The following TMPRSS6 variants were observed in gnomAD, a reference collection of about 807,000 sequenced individuals.
TMPRSS6 encodes transmembrane serine protease 6, also known as transmembrane protease serine 6.
TMPRSS6 carries 67 observed loss-of-function variants against 101.5 expected under a neutral mutation model. That is an observed-to-expected ratio of 0.66 (90% CI 0.54 to 0.81). The LOEUF (loss-of-function observed/expected upper bound fraction) is 0.81. TMPRSS6 is among the 30% of genes least tolerant of loss of function. The probability of loss-of-function intolerance (pLI) is 0.00; values close to 1 mark genes in which losing one functional copy is unlikely to be tolerated. For missense variants in TMPRSS6, 1,034 were observed against 1,088.7 expected, an observed-to-expected ratio of 0.95 and a Z score of 0.71; for synonymous variants, 453 against 464.9, an observed-to-expected ratio of 0.97 and a Z score of 0.33.
chr22:37,068,665 A>T (rs535935339), intron 16 of TMPRSS6: 3 of 779,698 alleles, frequency 3.8e-6, no homozygotes, highest in Admixed American at 3.4e-5. Context: ...ATAGGGCCAC[A>T]GCATCCGCCC....
rs192517137 is a variant in TMPRSS6, at chr22:37,106,318, C to T, written c.-1-2900G>A. Among the ~76,000 whole-genome samples the T allele has an allele frequency of 3.7e-3, 559 of 152,166 alleles. 13 individuals are homozygous for T. The highest frequency in any genetic ancestry group is 1.7e-3 in the East Asian group (9 of 5,160). ...AAGAGAGGGAAACTGAGGCTCGGAG[C>T]AGGTCGTGGGTCCATTAGAGGAAGC... On this transcript the variant is annotated intron_variant, in intron 1 of 17. Coordinates refer to ENST00000676104, the MANE Select transcript of TMPRSS6 (RefSeq NM_001374504.1).
chr22:37,089,493 A>G, intron 7 of TMPRSS6, 85 bp downstream of exon 7: 1 of 1,347,176 alleles, frequency 7.4e-7, no homozygotes. Flanking sequence ...TCCCTTGTCT[A>G]AGAATGCTGT....
At chr22:37,095,497 A>C (rs888201309) in intron 6 of TMPRSS6, 54 bp downstream of exon 6, 3 of 1,607,124 alleles carry the variant, frequency 1.9e-6, no homozygotes, top group Non-Finnish European at 2.5e-6. Flanking sequence ...CAACAAAGTC[A>C]AGACAAATGC....
In TMPRSS6 at chr22:37,089,777, A is replaced by G; in HGVS notation, c.637T>C (p.Tyr213His). The change falls in exon 7 of 18, where the codon TAC (tyrosine) becomes CAC (histidine). Residue 213 changes from tyrosine to histidine, a missense_variant. Tyr to His is a moderately conservative substitution (Grantham distance 83). Coordinates refer to ENST00000676104, the MANE Select transcript of TMPRSS6 (RefSeq NM_001374504.1). ...CCCTGGCCCACGTAGCTGTAGCGGT[A>G]ACAACCTGGAGCGGGGAGAGGGGCA... ...IAALNSTLGC[Y>H]RYSYVGQGQV... 10 of 1,611,944 alleles carry G rather than the reference A, an allele frequency of 6.2e-6. No individual in the cohort carries two copies. Among genetic ancestry groups the G allele is most frequent in the Non-Finnish European group, 8.5e-6 (10 of 1,179,602 alleles).
chr22:37,066,000 A>C lies in TMPRSS6; in HGVS notation c.*80T>G. 6 of 1,569,372 alleles carry C rather than the reference A, an allele frequency of 3.8e-6. No individual in the cohort carries two copies. The highest frequency in any genetic ancestry group is 4.4e-6 in the Non-Finnish European group (5 of 1,146,712). On this transcript the variant is annotated 3_prime_UTR_variant, in exon 18 of 18. Coordinates refer to ENST00000676104, the MANE Select transcript of TMPRSS6 (RefSeq NM_001374504.1). The stretch of plus-strand genomic sequence containing the variant: ...GCTCTCTCCCCCACCCCCCGCCAGA[A>C]TACTTGTCCCCCTGCTTGGCAGTTG...
intron 2 of TMPRSS6, among the ~76,000 whole-genome samples, chr22:37,102,982 CTT>C (rs1930451566): frequency 6.6e-6 from 1 of 152,048 alleles, no homozygotes; most frequent in South Asian, 2.1e-4. Flanking sequence ...CTTTGGGGCA[CTT>C]TGCCCAAGCA....
intron 2 of TMPRSS6, 94 bp from the exon 3 acceptor site, chr22:37,098,643 C>A: frequency 6.4e-7 from 1 of 1,573,920 alleles, no homozygotes; most frequent in South Asian, 1.1e-5. Context: ...ACACCCTCAG[C>A]TCAGCCTCAG....
chr22:37,088,071 A>C (rs1043016013), intron 7 of TMPRSS6, among the ~76,000 whole-genome samples: 1 of 152,122 alleles, frequency 6.6e-6, no homozygotes, highest in East Asian at 1.9e-4. Context: ...AGTGAGTAGG[A>C]ACAGAGCTGG....
At chr22:37,082,780 C>T (rs1260469011) in intron 10 of TMPRSS6, 6 of 361,592 alleles carry the variant, frequency 1.7e-5, no homozygotes, top group Non-Finnish European at 2.7e-5. Context: ...CCATATCACC[C>T]CCAACAGCAC....
At chr22:37,074,821 GC>G (rs1927474916) in intron 11 of TMPRSS6, 113 bp from the exon 12 acceptor site, 1 of 1,131,668 alleles carries the variant, frequency 8.8e-7, no homozygotes, top group South Asian at 1.3e-5. Flanking sequence ...GCATGGACAG[GC>G]ACCCACAGAC....
chr22:37,071,156 C>G, intron 13 of TMPRSS6, 124 bp from the exon 14 acceptor site: 1 of 847,716 alleles, frequency 1.2e-6, no homozygotes, highest in Non-Finnish European at 1.9e-6. Context: ...AGAGTCTTTT[C>G]CTGAGTCTCC....
Position 37,075,260 on chromosome 22 carries a change from A to G in TMPRSS6, c.1217T>C (p.Leu406Pro), listed in dbSNP as rs201080354. The change falls in exon 11 of 18, where the codon CTG (leucine) becomes CCG (proline). Residue 406 changes from leucine to proline, a missense_variant. By Grantham distance (98) the Leu-to-Pro change is moderately conservative. Transcript: ENST00000676104. ...QNRRLCGLRI[L>P]QPYAERIPVV... is the part of the protein sequence containing the mutation. Reference sequence around the variant, plus strand: ...GGGGATCCTCTCGGCGTAGGGCTGCAGGATGCGCAAGCCACACAGCCTGGG... The same window carrying G: ...GGGGATCCTCTCGGCGTAGGGCTGCGGGATGCGCAAGCCACACAGCCTGGG... 81 of 1,613,536 alleles carry G rather than the reference A, an allele frequency of 5.0e-5. No homozygotes were observed. Among genetic ancestry groups the G allele is most frequent in the Middle Eastern group, 1.7e-4 (1 of 6,058 alleles).
chr22:37,075,421 G>A (rs1927550986), intron 10 of TMPRSS6, 141 bp from the exon 11 acceptor site: 1 of 1,137,222 alleles, frequency 8.8e-7, no homozygotes, highest in Non-Finnish European at 1.2e-6. Flanking sequence ...TTCTCCCTTA[G>A]ATGAGTGCAC....
intron 13 of TMPRSS6, among the ~76,000 whole-genome samples, chr22:37,073,175 G>GATGGATGT (rs1927300475): frequency 6.6e-6 from 1 of 151,478 alleles, no homozygotes; most frequent in Admixed American, 6.6e-5. Flanking sequence ...TGGATGGATG[G>GATGGATGT]ATGGATGGAT....
intron 10 of TMPRSS6, among the ~76,000 whole-genome samples, 162 bp from the exon 11 acceptor site, chr22:37,075,442 A>G (rs1601529448): frequency 6.6e-6 from 1 of 152,222 alleles, no homozygotes; most frequent in South Asian, 2.1e-4. Flanking sequence ...CCCCAGAGTC[A>G]TCTTCTAGAA....
At chr22:37,073,334 T>C (rs1054700208) in intron 13 of TMPRSS6, among the ~76,000 whole-genome samples, 198 bp downstream of exon 13, 3 of 135,922 alleles carry the variant, frequency 2.2e-5, no homozygotes, top group Admixed American at 7.5e-5. Flanking sequence ...CAGACGGTGA[T>C]TGGAGACCAG....
At chr22:37,077,307 C>T (rs1458561987) in intron 10 of TMPRSS6, among the ~76,000 whole-genome samples, 2 of 152,200 alleles carry the variant, frequency 1.3e-5, no homozygotes, top group East Asian at 3.8e-4. Context: ...CTCCGAATTC[C>T]CACTGCAACA....
At chr22:37,086,615 G>A (rs933966454) in intron 7 of TMPRSS6, among the ~76,000 whole-genome samples, 196 bp from the exon 8 acceptor site, 1 of 152,156 alleles carries the variant, frequency 6.6e-6, no homozygotes, top group African/African-American at 2.4e-5. Context: ...CAGACTGAAG[G>A]CCCTCCAAGG....
At chr22:37,066,473 C>G (rs1926301431) in intron 17 of TMPRSS6, among the ~76,000 whole-genome samples, 1 of 152,262 alleles carries the variant, frequency 6.6e-6, no homozygotes, top group Non-Finnish European at 1.5e-5. Flanking sequence ...CCCACGCCCC[C>G]ACTCTGCCTC....
Sources: gnomAD v4.1 joint callset for allele counts (sites outside exome capture counted in the v4.1 genomes callset) on GRCh38, gnomAD v4.1.1 for gene constraint, MANE v1.5 for transcripts, NCBI Gene and HGNC (gene_info 2026-07-23, HGNC 2026-07-21) for gene names.